ST7: variants seen among roughly 807,000 people sequenced by gnomAD.
ST7 encodes the protein suppression of tumorigenicity 7.
ST7 carries 28 observed loss-of-function variants against 78.7 expected under a neutral mutation model. That is an observed-to-expected ratio of 0.36 (90% CI 0.26 to 0.49). ST7 has a LOEUF of 0.49. ST7 is among the 20% of genes least tolerant of loss of function. ST7 has a pLI of 0.99. For missense variants in ST7, 418 were observed against 696.0 expected, an observed-to-expected ratio of 0.60 and a Z score of 4.49; for synonymous variants, 247 against 249.6, an observed-to-expected ratio of 0.99 and a Z score of 0.10.
intron 1 of ST7, among the ~76,000 whole-genome samples, chr7:116,994,182 T>G (rs1794548779): frequency 6.6e-6 from 1 of 152,186 alleles, no homozygotes; most frequent in East Asian, 1.9e-4. Context: ...TGCTAACCCT[T>G]GGCAATCACC....
At chr7:117,045,073 T>C (rs1797426642) in intron 1 of ST7, among the ~76,000 whole-genome samples, 1 of 152,156 alleles carries the variant, frequency 6.6e-6, no homozygotes, top group Non-Finnish European at 1.5e-5. Flanking sequence ...GTAAGTGTTG[T>C]TGACTTTACC....
chr7:117,046,363 A>G (rs897563536), intron 1 of ST7, among the ~76,000 whole-genome samples: 13 of 152,134 alleles, frequency 8.5e-5, no homozygotes, highest in Non-Finnish European at 1.5e-5. Flanking sequence ...CTAAAAGACC[A>G]TATGCTTGCA....
intron 1 of ST7, among the ~76,000 whole-genome samples, chr7:117,058,328 T>C (rs1194788845): frequency 6.6e-6 from 1 of 152,206 alleles, no homozygotes; most frequent in Non-Finnish European, 1.5e-5. Context: ...AAACATGATT[T>C]TTTAAAGCTT....
At chr7:117,096,385 T>C (rs902198873) in intron 1 of ST7, among the ~76,000 whole-genome samples, 17 of 152,222 alleles carry the variant, frequency 1.1e-4, no homozygotes, top group Non-Finnish European at 2.2e-4. Flanking sequence ...ACAGGGGACT[T>C]ATCTAGAAAA....
intron 10 of ST7, among the ~76,000 whole-genome samples, chr7:117,188,820 T>C (rs1416999484): frequency 2.6e-5 from 4 of 152,004 alleles, no homozygotes; most frequent in African/African-American, 4.8e-5. Flanking sequence ...AAATTGAATG[T>C]AAACTTGAAA....
chr7:117,136,602 T>C, intron 8 of ST7: 1 of 420,004 alleles, frequency 2.4e-6, no homozygotes, highest in Non-Finnish European at 4.2e-6. Flanking sequence ...TTAGCCATAG[T>C]GTTAGCAAAG....
chr7:117,077,709 A>G (rs1013895011), intron 1 of ST7, among the ~76,000 whole-genome samples: 1 of 152,208 alleles, frequency 6.6e-6, no homozygotes, highest in African/African-American at 2.4e-5. Context: ...AATAATAGTT[A>G]TTATAGGCTG....
chr7:117,116,228 A>G (rs752686425), intron 2 of ST7, among the ~76,000 whole-genome samples: 3 of 152,202 alleles, frequency 2.0e-5, no homozygotes, highest in Non-Finnish European at 4.4e-5. Flanking sequence ...TATGAAATGC[A>G]TATTTATATT....
At chr7:117,039,308 T>A (rs1331947721) in intron 1 of ST7, among the ~76,000 whole-genome samples, 2 of 152,222 alleles carry the variant, frequency 1.3e-5, no homozygotes, top group African/African-American at 4.8e-5. Flanking sequence ...CTGGGTATGA[T>A]GGCTCATGTA....
chr7:117,158,520 T>C (rs1451785329), intron 9 of ST7, among the ~76,000 whole-genome samples: 1 of 152,254 alleles, frequency 6.6e-6, no homozygotes, highest in Non-Finnish European at 1.5e-5. Flanking sequence ...ATGCATTTAC[T>C]TAATGCGCTC....
intron 1 of ST7, among the ~76,000 whole-genome samples, chr7:116,979,349 C>T (rs1441614645): frequency 6.6e-6 from 1 of 152,234 alleles, no homozygotes; most frequent in African/African-American, 2.4e-5. Context: ...TCTCAAGATT[C>T]CATTTACAGC....
At chr7:117,002,128 T>C (rs2116450463) in intron 1 of ST7, among the ~76,000 whole-genome samples, 1 of 152,136 alleles carries the variant, frequency 6.6e-6, no homozygotes, top group East Asian at 1.9e-4. Context: ...CTCGGGAGGC[T>C]GAGGCAGGAG....
chr7:117,122,649 A>G (rs1803495625), intron 3 of ST7, among the ~76,000 whole-genome samples: 2 of 152,188 alleles, frequency 1.3e-5, no homozygotes, highest in African/African-American at 4.8e-5. Context: ...TCAAATAGTT[A>G]TCCTTAGAAA....
intron 1 of ST7, among the ~76,000 whole-genome samples, chr7:116,986,131 C>T (rs764737750): frequency 4.6e-5 from 7 of 152,228 alleles, no homozygotes; most frequent in South Asian, 2.1e-4. Flanking sequence ...CCACGCCCAG[C>T]GTGATAATTT....
At chr7:117,069,681 C>A (rs1798827445) in intron 1 of ST7, among the ~76,000 whole-genome samples, 1 of 152,172 alleles carries the variant, frequency 6.6e-6, no homozygotes, top group African/African-American at 2.4e-5. Context: ...TACTTAAGAG[C>A]TTTAGTAATT....
chr7:117,214,283 T>C (rs542465549), intron 13 of ST7, among the ~76,000 whole-genome samples: 72 of 152,282 alleles, frequency 4.7e-4, no homozygotes, highest in Non-Finnish European at 7.6e-4. Context: ...ATTTTCTTTT[T>C]AGAGATCCCC....
chr7:117,217,498 G>A (rs1042442644), intron 13 of ST7, among the ~76,000 whole-genome samples: 1 of 152,124 alleles, frequency 6.6e-6, no homozygotes, highest in Non-Finnish European at 1.5e-5. Context: ...TTTGTGGGGG[G>A]TGTTTTGTTC....
intron 11 of ST7, 80 bp downstream of exon 11, chr7:117,189,473 T>G: frequency 8.5e-7 from 1 of 1,179,324 alleles, no homozygotes; most frequent in Non-Finnish European, 1.2e-6. Flanking sequence ...TCTCTGGAAG[T>G]TTCTCTTAGG....
At chr7:117,006,492 CT>C in intron 1 of ST7, among the ~76,000 whole-genome samples, 1 of 152,170 alleles carries the variant, frequency 6.6e-6, no homozygotes, top group Non-Finnish European at 1.5e-5. Context: ...ATTTTTATGT[CT>C]TTTTATTCAC....
Sources: allele counts gnomAD v4.1 joint callset (sites outside exome capture counted in the v4.1 genomes callset), GRCh38; gene constraint gnomAD v4.1.1; transcripts MANE v1.5; gene names NCBI Gene and HGNC (gene_info 2026-07-23, HGNC 2026-07-21).